The following TRIM67 variants were observed in gnomAD, a reference collection of about 807,000 sequenced individuals.
The protein encoded by TRIM67 is tripartite motif-containing protein 67.
Under a neutral mutation model 71.0 loss-of-function variants are expected in TRIM67, and 39 were observed. The observed-to-expected ratio is 0.55, with a 90% CI of 0.43 to 0.72. The LOEUF is 0.72. TRIM67 is among the 30% of genes least tolerant of loss of function. TRIM67 has a pLI of 0.00. For synonymous variants in TRIM67, 481 were observed against 473.9 expected (o/e 1.01, Z -0.19); for missense variants, 973 against 1,079.2 (o/e 0.90, Z 1.38).
chr1:231,203,836 C>A (rs760841814), intron 5 of TRIM67, 31 bp from the exon 6 acceptor site: 3 of 1,601,236 alleles, frequency 1.9e-6, no homozygotes, highest in East Asian at 2.2e-5. Context: ...GGAGGGCTTC[C>A]TGCGCTAACT....
intron 1 of TRIM67, among the ~76,000 whole-genome samples, chr1:231,172,075 AG>A (rs1682631839): frequency 6.6e-6 from 1 of 152,294 alleles, no homozygotes; most frequent in Admixed American, 6.5e-5. Flanking sequence ...CAACAGAGCA[AG>A]ACCCCAACTC....
At chr1:231,176,789 G>A (rs1175904785) in intron 1 of TRIM67, among the ~76,000 whole-genome samples, 4 of 151,772 alleles carry the variant, frequency 2.6e-5, no homozygotes, top group Non-Finnish European at 5.9e-5. Flanking sequence ...AGGCAAAGAA[G>A]GATTAAACTT....
chr1:231,201,241 A>G, intron 4 of TRIM67, 117 bp from the exon 5 acceptor site: 3 of 1,126,644 alleles, frequency 2.7e-6, no homozygotes, highest in Non-Finnish European at 3.7e-6. Context: ...GCTCTAGAGC[A>G]CAACCCTTTT....
rs575370199 is a variant in TRIM67 at position 231,204,019 on chromosome 1, C to A, written c.1680+7C>A. The A allele has an allele frequency of 8.7e-6, 14 of 1,613,516 alleles. No individual in the cohort carries two copies. The highest frequency in any genetic ancestry group is 1.3e-5 in the African/African-American group (1 of 74,938). On this transcript the variant is annotated splice_region_variant and intron_variant, in intron 6 of 9. Coordinates refer to ENST00000366653, the MANE Select transcript of TRIM67 (RefSeq NM_001004342.5). Reference sequence around the variant, plus strand: ...TGCCGGGGGACAGTTCCGGGTGAGGCCTTGCTGCTTATTTGGCGGGGATTG... The same window carrying A: ...TGCCGGGGGACAGTTCCGGGTGAGGACTTGCTGCTTATTTGGCGGGGATTG...
chr1:231,206,194 A>C (rs894434211), intron 6 of TRIM67, among the ~76,000 whole-genome samples: 1 of 151,844 alleles, frequency 6.6e-6, no homozygotes, highest in African/African-American at 2.4e-5. Context: ...TTGGGAGGCC[A>C]AGGCAGGAGG....
rs1422864610 is a variant in TRIM67, at chr1:231,163,480, C to T, written c.511C>T (p.Arg171Cys). The T allele has an allele frequency of 1.3e-6, 2 of 1,525,678 alleles. No individual in the cohort carries two copies. The highest frequency in any genetic ancestry group is 1.8e-6 in the Non-Finnish European group (2 of 1,142,774). The allele number at this position is 1,525,678 out of a possible 1,614,324, so 94.5% of individuals were successfully genotyped here. A position where few individuals can be genotyped will look rare whatever the true frequency, so the allele number is the denominator to read the frequency against. ...QCHRSASLDHRGLRGFQRNRL... is the reference protein window; with the variant it reads ...QCHRSASLDHCGLRGFQRNRL... Reference sequence around the variant, plus strand: ...CCACCGCAGCGCATCCCTGGACCACCGCGGCCTGCGCGGCTTCCAGCGCAA... The same window carrying T: ...CCACCGCAGCGCATCCCTGGACCACTGCGGCCTGCGCGGCTTCCAGCGCAA... The change falls in exon 1 of 10, where the codon CGC becomes TGC. Residue 171 changes from arginine to cysteine, a missense_variant. By Grantham distance (180) the Arg-to-Cys change is radical. Around this residue, in one of 2 missense-constraint regions of TRIM67, gnomAD observed 795 missense variants for 831.3 expected, o/e 0.96. Transcript: ENST00000366653.
chr1:231,185,985 A>G, intron 1 of TRIM67: 1 of 1,033,058 alleles, frequency 9.7e-7, no homozygotes, highest in South Asian at 1.4e-5. Flanking sequence ...AGAGGAGACG[A>G]GAAGGAGGTG....
In TRIM67 at chr1:231,197,499, C is replaced by CA. The variant is rs762308140; in HGVS notation, c.1140+34dup. On this transcript the variant is annotated intron_variant, in intron 2 of 9. Coordinates refer to ENST00000366653, the MANE Select transcript of TRIM67 (RefSeq NM_001004342.5). The stretch of plus-strand genomic sequence containing the variant: ...CAGCTCTGGCGTCGGGAGAAATACT[C>CA]AGTGTTGAAAGTTTGCACGTTGTGC... 5 of 1,596,610 alleles carry CA rather than the reference C, an allele frequency of 3.1e-6. No homozygotes were observed. The African/African-American group carries it at 6.7e-5, about 21-fold the overall frequency.
chr1:231,220,031 A>G lies in TRIM67; in HGVS notation c.*4591A>G. The G allele has an allele frequency of 6.3e-6, 7 of 1,114,606 alleles. No homozygotes were observed. Among genetic ancestry groups the G allele is most frequent in the Non-Finnish European group, 8.4e-6 (7 of 829,002 alleles). The allele number at this position is 1,114,606 out of a possible 1,614,324, so 69.0% of individuals were successfully genotyped here. A position where few individuals can be genotyped will look rare whatever the true frequency, so the allele number is the denominator to read the frequency against. ...CTGTGCCTCAGTATCCCCACCTGAAATGAGACTAGTCATACTAACCTACCT... is the reference window on the plus strand; with the variant it reads ...CTGTGCCTCAGTATCCCCACCTGAAGTGAGACTAGTCATACTAACCTACCT... On this transcript the variant is annotated 3_prime_UTR_variant, in exon 10 of 10. Transcript: ENST00000366653.
At position 231,217,854 on chromosome 1, in the gene TRIM67, G is replaced by A. The variant is rs1165049828; in HGVS notation, c.*2414G>A. ...GAAGTGGAAAGTGCAGGAGGGTAAT[G>A]CCCTCAAATCCGGTGGCCTCTTTCA... is the stretch of plus-strand genomic sequence containing the variant. On this transcript the variant is annotated 3_prime_UTR_variant, in exon 10 of 10. Coordinates refer to ENST00000366653, the MANE Select transcript of TRIM67 (RefSeq NM_001004342.5). 1 of 1,289,586 alleles carries A rather than the reference G, an allele frequency of 7.8e-7. No homozygotes were observed. Among genetic ancestry groups the A allele is most frequent in the African/African-American group, 1.5e-5 (1 of 65,880 alleles). 79.9% of individuals were successfully genotyped at this position (1,289,586 alleles called of 1,614,324 possible).
intron 1 of TRIM67, among the ~76,000 whole-genome samples, chr1:231,189,960 G>A (rs1683189975): frequency 6.6e-6 from 1 of 152,178 alleles, no homozygotes; most frequent in Non-Finnish European, 1.5e-5. Context: ...CCTCCAGAAG[G>A]AACCAGCCCT....
intron 1 of TRIM67, among the ~76,000 whole-genome samples, chr1:231,195,160 G>A (rs988032503): frequency 2.3e-4 from 35 of 152,206 alleles, no homozygotes; most frequent in African/African-American, 8.0e-4. Context: ...CATGAATCAC[G>A]AGGCCTTTCC....
rs368517728 is a variant in TRIM67, at chr1:231,214,558, C to T, written c.2286+581C>T. Among the ~76,000 whole-genome samples the T allele has an allele frequency of 5.3e-5, 8 of 151,966 alleles. No homozygotes were observed. In the South Asian group the frequency reaches 6.2e-4, roughly 12 times the overall value. On this transcript the variant is annotated intron_variant, in intron 9 of 9. Transcript: ENST00000366653. ...TTGGGAGGCCAAGGCAGGCGGATCA[C>T]GAGGTCAGGAGATCGAGACCATCCT...
intron 1 of TRIM67, among the ~76,000 whole-genome samples, chr1:231,188,542 C>T (rs994602376): frequency 6.6e-6 from 1 of 152,176 alleles, no homozygotes; most frequent in African/African-American, 2.4e-5. Context: ...AGGTTTTGTC[C>T]TCCTTCCACG....
chr1:231,193,896 A>C (rs1329782225), intron 1 of TRIM67, among the ~76,000 whole-genome samples: 1 of 152,170 alleles, frequency 6.6e-6, no homozygotes, highest in Non-Finnish European at 1.5e-5. Context: ...ACTCATGCGG[A>C]TCCACCCCTG....
chr1:231,175,376 G>A (rs550271784), intron 1 of TRIM67, among the ~76,000 whole-genome samples: 2 of 152,230 alleles, frequency 1.3e-5, no homozygotes, highest in South Asian at 2.1e-4. Flanking sequence ...TGAGAGGTCT[G>A]AGTTTTTAGC....
chr1:231,185,448 A>C (rs868339970), intron 1 of TRIM67, among the ~76,000 whole-genome samples: 1 of 151,864 alleles, frequency 6.6e-6, no homozygotes, highest in Non-Finnish European at 1.5e-5. Flanking sequence ...TCTGTGTTCC[A>C]GCCCCCAGTG....
chr1:231,189,666 A>G (rs1312346197), intron 1 of TRIM67, among the ~76,000 whole-genome samples: 1 of 152,172 alleles, frequency 6.6e-6, no homozygotes, highest in Non-Finnish European at 1.5e-5. Flanking sequence ...CTTGATTCAT[A>G]GATGGCATCT....
intron 1 of TRIM67, among the ~76,000 whole-genome samples, chr1:231,174,223 A>G (rs1682687227): frequency 6.7e-6 from 1 of 149,932 alleles, no homozygotes; most frequent in Admixed American, 6.7e-5. Flanking sequence ...CAGTGGCACA[A>G]TCATAGTTCA....
Sources: gnomAD v4.1 joint callset for allele counts (sites outside exome capture counted in the v4.1 genomes callset) on GRCh38, gnomAD v4.1.1 for gene constraint, gnomAD v4.1.1 regional missense constraint, MANE v1.5 for transcripts, NCBI Gene and HGNC (gene_info 2026-07-23, HGNC 2026-07-21) for gene names.